The following WARS2 variants were observed in gnomAD, a reference collection of about 807,000 sequenced individuals.
WARS2 encodes tryptophan--tRNA ligase, mitochondrial.
In WARS2, 28 loss-of-function variants were observed where a neutral mutation model predicts 36.5. The observed-to-expected ratio is 0.77, with a 90% CI of 0.57 to 1.05. The LOEUF is 1.05. WARS2 is among the 50% of genes least tolerant of loss of function. WARS2 has a pLI of 0.00. For missense variants in WARS2, 435 were observed against 456.8 expected (o/e 0.95, Z 0.44); for synonymous variants, 174 against 178.4 (o/e 0.98, Z 0.20).
intron 1 of WARS2, among the ~76,000 whole-genome samples, chr1:119,123,373 C>T (rs946421268): frequency 6.6e-6 from 1 of 152,180 alleles, no homozygotes; most frequent in Non-Finnish European, 1.5e-5. Context: ...TTACCCTAGC[C>T]AATGAGGTGC....
At chr1:119,137,443 C>T (rs587617910) in intron 1 of WARS2, among the ~76,000 whole-genome samples, 128 of 152,222 alleles carry the variant, frequency 8.4e-4, no homozygotes, top group African/African-American at 1.8e-3. Flanking sequence ...GACTAGGAAC[C>T]GCTAATAATG....
At chr1:119,127,090 C>G (rs1655719011) in intron 1 of WARS2, 1 of 749,026 alleles carries the variant, frequency 1.3e-6, no homozygotes, top group Non-Finnish European at 2.4e-6. Flanking sequence ...AGACTCACTT[C>G]AAGCACACAA....
intron 1 of WARS2, among the ~76,000 whole-genome samples, chr1:119,115,884 T>G (rs1051764869): frequency 6.6e-6 from 1 of 152,186 alleles, no homozygotes; most frequent in Non-Finnish European, 1.5e-5. Flanking sequence ...ATTTTTACTC[T>G]TCCACTATTT....
At position 119,033,349 on chromosome 1, in the gene WARS2, C is replaced by T. The variant is rs961584261; in HGVS notation, c.645G>A (p.Lys215=). 1.2e-6 allele frequency: 2 copies of T among 1,614,064 alleles called. No homozygotes were observed. The highest frequency in any genetic ancestry group is 2.7e-5 in the African/African-American group (2 of 74,928). The change falls in exon 6 of 6, where the codon AAG becomes AAA. Residue 215 remains lysine, a synonymous_variant. Transcript: ENST00000235521. ...PVPESILTSM[K]KVKSLRDPSA... ...AAGGATCACGTAGGGATTTTACCTTCTTCATGGATGCTAGGTTAAAAACAC... is the reference window on the plus strand; with the variant it reads ...AAGGATCACGTAGGGATTTTACCTTTTTCATGGATGCTAGGTTAAAAACAC...
At chr1:119,057,293 A>G (rs1390282568) in intron 2 of WARS2, among the ~76,000 whole-genome samples, 2 of 151,772 alleles carry the variant, frequency 1.3e-5, no homozygotes, top group African/African-American at 4.8e-5. Flanking sequence ...CTACAAGTGC[A>G]CACCACCAAG....
At position 119,033,352 on chromosome 1, in the gene WARS2, C is replaced by CA; in HGVS notation, c.641dup (p.Met214IlefsTer9). 1 of 1,614,150 alleles carries CA rather than the reference C, an allele frequency of 6.2e-7. No individual in the cohort carries two copies. The highest frequency in any genetic ancestry group is 8.5e-7 in the Non-Finnish European group (1 of 1,180,026). Reference sequence around the variant, plus strand: ...GATCACGTAGGGATTTTACCTTCTTCATGGATGCTAGGTTAAAAACACCAA... The same window carrying CA: ...GATCACGTAGGGATTTTACCTTCTTCAATGGATGCTAGGTTAAAAACACCAA... On this transcript the variant is annotated frameshift_variant, in exon 6 of 6. Transcript: ENST00000235521. LOFTEE classifies it high-confidence loss of function.
At position 119,086,105 on chromosome 1, in the gene WARS2, T is replaced by C. The variant is rs587708156; in HGVS notation, c.91-9498A>G. 9.8e-5 allele frequency among the ~76,000 whole-genome samples: 15 copies of C among 152,308 alleles called. No individual in the cohort carries two copies. The East Asian group carries it at 2.9e-3, about 29-fold the overall frequency. ...AAACTCCTAGCCTTAAGTGATCCTC[T>C]TGCCTTGGCCTCCCAAAGTTCTGGG... On this transcript the variant is annotated intron_variant, in intron 1 of 5. Transcript: ENST00000235521.
chr1:119,067,316 C>T (rs911692209), intron 2 of WARS2, among the ~76,000 whole-genome samples: 3 of 152,050 alleles, frequency 2.0e-5, no homozygotes. Flanking sequence ...AGGAAAATGG[C>T]GTTACAACTA....
intron 1 of WARS2, among the ~76,000 whole-genome samples, chr1:119,136,643 G>T (rs1260682639): frequency 1.3e-5 from 2 of 152,176 alleles, no homozygotes; most frequent in African/African-American, 4.8e-5. Flanking sequence ...CATGTTGCAT[G>T]AACAATACAT....
chr1:119,133,765 A>G (rs1656267582), intron 1 of WARS2, among the ~76,000 whole-genome samples: 1 of 152,222 alleles, frequency 6.6e-6, no homozygotes, highest in African/African-American at 2.4e-5. Flanking sequence ...TTTAGTACAA[A>G]TAGGATAACA....
At chr1:119,121,951 A>G (rs146378631) in intron 1 of WARS2, among the ~76,000 whole-genome samples, 1 of 152,094 alleles carries the variant, frequency 6.6e-6, no homozygotes, top group African/African-American at 2.4e-5. Context: ...AGGAGATAAC[A>G]TCAGAAAAAT....
intron 1 of WARS2, among the ~76,000 whole-genome samples, chr1:119,084,086 T>C (rs1652422399): frequency 6.6e-6 from 1 of 151,636 alleles, no homozygotes; most frequent in Non-Finnish European, 1.5e-5. Flanking sequence ...CTGTGGACGA[T>C]CAGAGCTCAC....
intron 2 of WARS2, among the ~76,000 whole-genome samples, chr1:119,072,995 A>T (rs996385227): frequency 3.9e-5 from 6 of 151,980 alleles, no homozygotes; most frequent in Non-Finnish European, 8.8e-5. Flanking sequence ...TCTCTCCAAA[A>T]AAAAAGCCAG....
At chr1:119,058,928 G>C (rs959537262) in intron 2 of WARS2, among the ~76,000 whole-genome samples, 6 of 151,668 alleles carry the variant, frequency 4.0e-5, no homozygotes, top group African/African-American at 1.5e-4. Flanking sequence ...CCCACCAACA[G>C]TGTAAAAGTG....
intron 2 of WARS2, among the ~76,000 whole-genome samples, chr1:119,060,084 A>T (rs1195580411): frequency 6.6e-6 from 1 of 152,232 alleles, no homozygotes; most frequent in Admixed American, 6.5e-5. Context: ...TCCTGAACTT[A>T]AAAGTTTAAA....
At chr1:119,095,645 C>A (rs1278174638) in intron 1 of WARS2, among the ~76,000 whole-genome samples, 2 of 152,094 alleles carry the variant, frequency 1.3e-5, no homozygotes, top group African/African-American at 2.4e-5. Flanking sequence ...CTTGGCCAGG[C>A]TGGTCTTGAA....
intron 1 of WARS2, among the ~76,000 whole-genome samples, chr1:119,134,319 CAAAAAA>C (rs761321480): frequency 4.6e-5 from 3 of 65,872 alleles, no homozygotes; most frequent in African/African-American, 1.8e-4. Flanking sequence ...GGCAAAGGGG[CAAAAAA>C]AAAAAAAAAA....
chr1:119,045,745 A>C (rs997477381), intron 2 of WARS2, 83 bp from the exon 3 acceptor site: 4 of 1,061,952 alleles, frequency 3.8e-6, no homozygotes, highest in African/African-American at 3.2e-5. Context: ...GTATTACCCT[A>C]AATGTCTGAA....
At chr1:119,081,445 T>C (rs587662864) in intron 1 of WARS2, among the ~76,000 whole-genome samples, 1 of 152,334 alleles carries the variant, frequency 6.6e-6, no homozygotes, top group East Asian at 1.9e-4. Flanking sequence ...CCTGCTTGTA[T>C]CCAGCTGTAA....
Sources: gnomAD v4.1 joint callset for allele counts (sites outside exome capture counted in the v4.1 genomes callset) on GRCh38, gnomAD v4.1.1 for gene constraint, MANE v1.5 for transcripts, NCBI Gene and HGNC (gene_info 2026-07-23, HGNC 2026-07-21) for gene names.